The following KIF26B variants were observed in gnomAD, a reference collection of about 807,000 sequenced individuals.
KIF26B encodes kinesin-like protein KIF26B.
Under a neutral mutation model 151.2 loss-of-function variants are expected in KIF26B, and 63 were observed. The observed-to-expected ratio is 0.42, with a 90% CI of 0.34 to 0.51. The LOEUF (loss-of-function observed/expected upper bound fraction) is 0.51, where lower values mean the gene tolerates loss of function less well. KIF26B is among the 20% of genes least tolerant of loss of function. KIF26B has a pLI of 0.07. For synonymous variants in KIF26B, 1,357 were observed against 1,262.1 expected, an observed-to-expected ratio of 1.08 and a Z score of -1.59; for missense variants, 2,813 against 2,913.6, an observed-to-expected ratio of 0.97 and a Z score of 0.79.
intron 4 of KIF26B, among the ~76,000 whole-genome samples, chr1:245,472,719 G>A (rs937672546): frequency 1.3e-5 from 2 of 152,160 alleles, no homozygotes; most frequent in Non-Finnish European, 2.9e-5. Context: ...TGTTGCCCTC[G>A]GATAACTCCA....
chr1:245,201,770 G>A (rs1223797694), intron 2 of KIF26B, among the ~76,000 whole-genome samples: 1 of 152,122 alleles, frequency 6.6e-6, no homozygotes, highest in Non-Finnish European at 1.5e-5. Flanking sequence ...GGGGCGGGGG[G>A]AAGGGGATCC....
At position 245,482,334 on chromosome 1, in the gene KIF26B, C is replaced by T. The variant is rs553336854; in HGVS notation, c.1167-58433C>T. ...CGAACTCCTGACCTCGTGATCCTCC[C>T]GCCTCAGCCTCCCAAAGTGCTGGGA... On this transcript the variant is annotated intron_variant, in intron 4 of 14. Coordinates refer to ENST00000407071, the MANE Select transcript of KIF26B (RefSeq NM_018012.4). Among the ~76,000 whole-genome samples, 13 of 151,756 alleles carry T rather than the reference C, an allele frequency of 8.6e-5. No individual in the cohort carries two copies. In the East Asian group the frequency reaches 1.7e-3, roughly 20 times the overall value.
rs1288950222 is a variant in KIF26B, at chr1:245,698,041, C to T, written c.5825-65C>T. 1 of 1,480,432 alleles carries T rather than the reference C, an allele frequency of 6.8e-7. No homozygotes were observed. Among genetic ancestry groups the T allele is most frequent in the Non-Finnish European group, 9.2e-7 (1 of 1,092,790 alleles). 91.7% of individuals were successfully genotyped at this position (1,480,432 alleles called of 1,614,324 possible). On this transcript the variant is annotated intron_variant, in intron 12 of 14. Transcript: ENST00000407071. This position sits in a 1 kb window ranked among gnomAD's most constrained non-coding sequence, Gnocchi z 4.0. ...TGGGCAACAGAGCAAGACCCTGTCT[C>T]AAAAAAACAACAAAAAAATTGAAAT... is the stretch of plus-strand genomic sequence containing the variant.
intron 3 of KIF26B, among the ~76,000 whole-genome samples, chr1:245,414,262 G>T (rs886869025): frequency 6.6e-6 from 1 of 152,186 alleles, no homozygotes; most frequent in East Asian, 1.9e-4. Context: ...GTGGGGAGTC[G>T]CACTGACTTG....
At position 245,287,494 on chromosome 1, in the gene KIF26B, C is replaced by CTTTTTTTTTTTTTTTT. The variant is rs1157634485; in HGVS notation, c.466-79339_466-79338insTTTTTTTTTTTTTTTT. Among the ~76,000 whole-genome samples the CTTTTTTTTTTTTTTTT allele has an allele frequency of 1.8e-5, 2 of 113,172 alleles. 1 individual carries two copies. The highest frequency in any genetic ancestry group is 3.4e-5 in the Non-Finnish European group (2 of 58,474). 74.2% of individuals were successfully genotyped at this position (113,172 alleles called of 152,430 possible). A position where few individuals can be genotyped will look rare whatever the true frequency, so the allele number is the denominator to read the frequency against. On this transcript the variant is annotated intron_variant, in intron 2 of 14. Coordinates refer to ENST00000407071, the MANE Select transcript of KIF26B (RefSeq NM_018012.4). Reference sequence around the variant, plus strand: ...GGGTCCCTGTGTGTCTCATCTCTCTCTCTCTTTTTTTTTTTTTTTTTTTCC... The same window carrying CTTTTTTTTTTTTTTTT: ...GGGTCCCTGTGTGTCTCATCTCTCTCTTTTTTTTTTTTTTTTTCTCTTTTTTTTTTTTTTTTTTTCC...
rs1434696216 is a variant in KIF26B, at chr1:245,607,048, G to A, written c.1558-603G>A. Reference sequence around the variant, plus strand: ...ACCATTGCACTCCAGCCTGGGCAACGAGACTGAAACTCCGTCTCAAAAAAA... The same window carrying A: ...ACCATTGCACTCCAGCCTGGGCAACAAGACTGAAACTCCGTCTCAAAAAAA... On this transcript the variant is annotated intron_variant, in intron 6 of 14. Coordinates refer to ENST00000407071, the MANE Select transcript of KIF26B (RefSeq NM_018012.4). Among the ~76,000 whole-genome samples, 4 of 123,458 alleles carry A rather than the reference G, an allele frequency of 3.2e-5. No individual in the cohort carries two copies. In the East Asian group the frequency reaches 7.4e-4, roughly 23 times the overall value. 81.0% of individuals were successfully genotyped at this position (123,458 alleles called of 152,430 possible).
Position 245,698,856 on chromosome 1 carries a change from G to C in KIF26B, c.6028-31G>C, listed in dbSNP as rs771212671. ...TGGTGTGGGCTGGGTGTGAGCAGAA[G>C]GGCCCTTTCTCCTCTCTGTCTGTGT... On this transcript the variant is annotated intron_variant, in intron 13 of 14. Coordinates refer to ENST00000407071, the MANE Select transcript of KIF26B (RefSeq NM_018012.4). This position sits in a 1 kb window ranked among gnomAD's most constrained non-coding sequence, Gnocchi z 4.0. The C allele has an allele frequency of 3.1e-6, 5 of 1,603,980 alleles. No individual in the cohort carries two copies. The Admixed American group carries it at 8.4e-5, about 27-fold the overall frequency.
At chr1:245,202,532 G>A (rs1669318219) in intron 2 of KIF26B, among the ~76,000 whole-genome samples, 1 of 152,130 alleles carries the variant, frequency 6.6e-6, no homozygotes, top group Non-Finnish European at 1.5e-5. Flanking sequence ...GCCAAGGCGG[G>A]AGGATTCTTT....
At chr1:245,626,376 T>C (rs2043724588) in intron 9 of KIF26B, among the ~76,000 whole-genome samples, 1 of 149,712 alleles carries the variant, frequency 6.7e-6, no homozygotes, top group African/African-American at 2.5e-5. Flanking sequence ...CCCTTTACTA[T>C]GCATCTTCAC....
chr1:245,469,169 G>A (rs922440145), intron 4 of KIF26B, among the ~76,000 whole-genome samples: 6 of 152,188 alleles, frequency 3.9e-5, no homozygotes, highest in African/African-American at 7.2e-5. Context: ...AGAGTCTCAC[G>A]TACAAACATT....
In KIF26B at chr1:245,525,972, A is replaced by T. The variant is rs182967700; in HGVS notation, c.1167-14795A>T. Among the ~76,000 whole-genome samples, 685 of 152,364 alleles carry T rather than the reference A, an allele frequency of 4.5e-3. 2 individuals carry two copies. The highest frequency in any genetic ancestry group is 7.0e-3 in the Non-Finnish European group (479 of 68,042). ...TTAACCTAGGATTCTAATAACTAAC[A>T]GTATCCATAGCATTAAAAATTACCT... is the stretch of plus-strand genomic sequence containing the variant. On this transcript the variant is annotated intron_variant, in intron 4 of 14. Transcript: ENST00000407071.
intron 4 of KIF26B, among the ~76,000 whole-genome samples, chr1:245,445,940 G>C (rs1445671252): frequency 6.6e-6 from 1 of 152,128 alleles, no homozygotes; most frequent in Admixed American, 6.5e-5. Flanking sequence ...CATTTGAGTG[G>C]CATCATCTAT....
intron 2 of KIF26B, among the ~76,000 whole-genome samples, chr1:245,323,469 C>T (rs1026900918): frequency 1.3e-4 from 20 of 152,194 alleles, no homozygotes; most frequent in African/African-American, 4.8e-4. Context: ...TTTGGAAAAA[C>T]TGCAAGAAAT....
rs1390112055 is a variant in KIF26B, at chr1:245,594,083, A to G, written c.1351-8494A>G. ...CTGGATATTAGCCCTATGTCAGATG[A>G]ATAGATTGCAAAAATTTTCTTCCAT... is the stretch of plus-strand genomic sequence containing the variant. On this transcript the variant is annotated intron_variant, in intron 5 of 14. Transcript: ENST00000407071. 2.0e-5 allele frequency among the ~76,000 whole-genome samples: 3 copies of G among 152,224 alleles called. No individual in the cohort carries two copies. The East Asian group carries it at 5.8e-4, about 29-fold the overall frequency.
At chr1:245,613,518 A>G (rs2043551083) in intron 9 of KIF26B, among the ~76,000 whole-genome samples, 1 of 152,168 alleles carries the variant, frequency 6.6e-6, no homozygotes, top group Non-Finnish European at 1.5e-5. Context: ...GAATTGCTTG[A>G]ACCCAGGAGG....
intron 10 of KIF26B, among the ~76,000 whole-genome samples, chr1:245,666,050 G>A (rs1000821762): frequency 5.6e-5 from 8 of 142,578 alleles, no homozygotes; most frequent in African/African-American, 2.2e-4. Flanking sequence ...CGCCCAGGCT[G>A]GAGTGCAGTG....
intron 3 of KIF26B, among the ~76,000 whole-genome samples, chr1:245,417,334 TAAAGG>T (rs1327194018): frequency 1.3e-5 from 2 of 151,892 alleles, no homozygotes; most frequent in East Asian, 3.9e-4. Flanking sequence ...GAGGGGCAGT[TAAAGG>T]AAGGAGGTAG....
chr1:245,382,267 G>A (rs1222563552), intron 3 of KIF26B, among the ~76,000 whole-genome samples: 1 of 152,108 alleles, frequency 6.6e-6, no homozygotes, highest in Non-Finnish European at 1.5e-5. Flanking sequence ...TGGGTGTGAG[G>A]TGGCATCTCA....
chr1:245,548,244 C>G (rs893006352), intron 5 of KIF26B, among the ~76,000 whole-genome samples: 2 of 151,976 alleles, frequency 1.3e-5, no homozygotes, highest in Non-Finnish European at 2.9e-5. Context: ...CCTTTCAGTG[C>G]CAGCTCAGTG....
Sources: allele counts gnomAD v4.1 joint callset (sites outside exome capture counted in the v4.1 genomes callset), GRCh38; gene constraint gnomAD v4.1.1; non-coding constraint Gnocchi (gnomAD v3.1); transcripts MANE v1.5; gene names NCBI Gene and HGNC (gene_info 2026-07-23, HGNC 2026-07-21).